BEND2: variants seen among roughly 807,000 people sequenced by gnomAD.
The protein encoded by BEND2 is BEN domain containing 2.
In BEND2, 19 loss-of-function variants were observed where a neutral mutation model predicts 43.8. The ratio of observed to expected loss-of-function variants is 0.43; its 90% CI spans 0.30 to 0.64. BEND2 has a LOEUF of 0.64. BEND2 is among the 30% of genes least tolerant of loss of function. The pLI, the probability that BEND2 is intolerant of heterozygous loss-of-function variation, is 0.11. For missense variants in BEND2, 544 were observed against 574.0 expected, an observed-to-expected ratio of 0.95 and a Z score of 0.53; for synonymous variants, 226 against 210.1, an observed-to-expected ratio of 1.08 and a Z score of -0.66.
At chrX:18,187,127 G>A (rs148328666) in intron 8 of BEND2, among the ~76,000 whole-genome samples, 3 of 110,398 alleles carry the variant, frequency 2.7e-5, no homozygotes, top group Non-Finnish European at 3.8e-5. Context: ...TAACAAAATC[G>A]CAGGAAAAAG....
chrX:18,180,051 C>A (rs1312277690), intron 9 of BEND2, among the ~76,000 whole-genome samples: 1 of 112,628 alleles, frequency 8.9e-6, no homozygotes, highest in Non-Finnish European at 1.9e-5. Context: ...GTGGTGTGTG[C>A]TTGTAATTCC....
chrX:18,219,526 T>G (rs778130386), intron 1 of BEND2, among the ~76,000 whole-genome samples: 9 of 112,727 alleles, frequency 8.0e-5, no homozygotes, highest in Middle Eastern at 4.2e-3. Context: ...TAAATCAAAC[T>G]CGGTTACCAT....
At chrX:18,217,864 T>G (rs1198878750) in intron 1 of BEND2, among the ~76,000 whole-genome samples, 1 of 110,347 alleles carries the variant, frequency 9.1e-6, no homozygotes, top group Non-Finnish European at 1.9e-5. Context: ...GCAGATCGCT[T>G]GAGCTCAGAA....
chrX:18,216,196 C>G (rs756511873), intron 2 of BEND2, among the ~76,000 whole-genome samples: 18 of 110,981 alleles, frequency 1.6e-4, no homozygotes, highest in African/African-American at 5.9e-4. Context: ...AGCTGTTATT[C>G]CTAGAAGTTC....
rs181190028 is a variant in BEND2, at chrX:18,191,916, G to A, written c.1181-808C>T. Among the ~76,000 whole-genome samples, 597 of 111,924 alleles carry A rather than the reference G, an allele frequency of 5.3e-3. 3 individuals are homozygous for A. Among genetic ancestry groups the A allele is most frequent in the African/African-American group, 0.018 (568 of 30,875 alleles). The stretch of plus-strand genomic sequence containing the variant: ...TGTTACTGTTGGGAAAAGTGGTAAT[G>A]GAAACACATATTTCTCTGTATTATT... On this transcript the variant is annotated intron_variant, in intron 7 of 13. Coordinates refer to ENST00000380033, the MANE Select transcript of BEND2 (RefSeq NM_153346.5).
chrX:18,174,680 A>G (rs1166053547), intron 11 of BEND2, among the ~76,000 whole-genome samples: 1 of 111,714 alleles, frequency 9.0e-6, no homozygotes, highest in Non-Finnish European at 1.9e-5. Flanking sequence ...GTAAAAACAA[A>G]TGGTTGTGCT....
In BEND2 at chrX:18,163,427, C is replaced by G. The variant is rs867913884; in HGVS notation, c.*1582G>C. ...AGAGAAAATGTTAAATTTACTTCCT[C>G]TGTCTAATTAATTACATCTTAAATG... On this transcript the variant is annotated 3_prime_UTR_variant, in exon 14 of 14. Transcript: ENST00000380033. 1.8e-5 allele frequency: 2 copies of G among 111,941 alleles called. No individual in the cohort carries two copies. Among genetic ancestry groups the G allele is most frequent in the African/African-American group, 6.5e-5 (2 of 30,864 alleles). The allele number at this position is 111,941 out of a possible 1,213,427, so 9.2% of individuals were successfully genotyped here.
At chrX:18,201,418 C>CAA (rs367821568) in intron 6 of BEND2, among the ~76,000 whole-genome samples, 2 of 52,788 alleles carry the variant, frequency 3.8e-5, no homozygotes, top group Non-Finnish European at 3.3e-5. Flanking sequence ...AAAAAAAAAA[C>CAA]AAAAAAAAAA....
chrX:18,216,060 T>G (rs970206749), intron 2 of BEND2, among the ~76,000 whole-genome samples: 42 of 111,345 alleles, frequency 3.8e-4, no homozygotes, highest in Non-Finnish European at 1.9e-4. Flanking sequence ...GTGATTAACT[T>G]TTGTATATTA....
intron 6 of BEND2, among the ~76,000 whole-genome samples, chrX:18,197,573 A>G (rs1180681076): frequency 8.9e-6 from 1 of 112,274 alleles, no homozygotes; most frequent in East Asian, 2.8e-4. Context: ...AGGCCGGCAG[A>G]TGAAGAGGAA....
chrX:18,196,947 A>G (rs1924973262), intron 6 of BEND2, among the ~76,000 whole-genome samples: 1 of 111,690 alleles, frequency 9.0e-6, no homozygotes, highest in Admixed American at 9.6e-5. Flanking sequence ...AAAGAAATAC[A>G]GATACACCCA....
At position 18,220,812 on chromosome X, in the gene BEND2, G is replaced by A; in HGVS notation, c.-62C>T. The stretch of plus-strand genomic sequence containing the variant: ...CTGAGGCCCGAGACCTGAGGCCTAC[G>A]TCTGCGCCGCGGCTCTGAGGTAACT... On this transcript the variant is annotated 5_prime_UTR_variant, in exon 1 of 14. In the 5' UTR this introduces an upstream ATG that the reference lacks. Transcript: ENST00000380033. 1 of 1,121,171 alleles carries A rather than the reference G, an allele frequency of 8.9e-7. No homozygotes were observed. The allele number at this position is 1,121,171 out of a possible 1,213,427, so 92.4% of individuals were successfully genotyped here.
chrX:18,166,242 A>G (rs1443255607), intron 13 of BEND2, among the ~76,000 whole-genome samples: 1 of 112,222 alleles, frequency 8.9e-6, no homozygotes, highest in Non-Finnish European at 1.9e-5. Context: ...CTGGAAGACA[A>G]ATACAGCGCT....
intron 13 of BEND2, among the ~76,000 whole-genome samples, chrX:18,166,393 C>T (rs1359494667): frequency 8.9e-6 from 1 of 111,800 alleles, no homozygotes; most frequent in East Asian, 2.8e-4. Flanking sequence ...CTACCCTCCG[C>T]AGCTAGTCAC....
chrX:18,219,521 C>A (rs900494220), intron 1 of BEND2, among the ~76,000 whole-genome samples: 6 of 113,084 alleles, frequency 5.3e-5, no homozygotes, highest in African/African-American at 1.9e-4. Flanking sequence ...GTCTCTAAAT[C>A]AAACTCGGTT....
chrX:18,171,961 A>G (rs887580610), intron 12 of BEND2, among the ~76,000 whole-genome samples: 1 of 111,354 alleles, frequency 9.0e-6, no homozygotes, highest in African/African-American at 3.3e-5. Flanking sequence ...CACTTTACAT[A>G]TTGTATCTTA....
intron 8 of BEND2, among the ~76,000 whole-genome samples, chrX:18,183,042 CAAAAAAAAAAAAAA>C (rs56812732): frequency 4.4e-4 from 18 of 40,789 alleles, no homozygotes; most frequent in African/African-American, 1.6e-3. Flanking sequence ...ACTCTGTCTC[CAAAAAAAAAAAAAA>C]AAAAAAAAAA....
chrX:18,165,314 G>C, intron 13 of BEND2, 91 bp from the exon 14 acceptor site: 1 of 714,879 alleles, frequency 1.4e-6, no homozygotes, highest in South Asian at 2.5e-5. Context: ...TACTGCGACT[G>C]TGAAAGGATC....
At chrX:18,219,369 C>A (rs1925779481) in intron 1 of BEND2, among the ~76,000 whole-genome samples, 1 of 112,930 alleles carries the variant, frequency 8.9e-6, no homozygotes, top group Admixed American at 9.3e-5. Flanking sequence ...CGGGCCCTCG[C>A]ACGCCTCGAC....
Sources: gnomAD v4.1 joint callset for allele counts (sites outside exome capture counted in the v4.1 genomes callset) on GRCh38, gnomAD v4.1.1 for gene constraint, MANE v1.5 for transcripts, NCBI Gene and HGNC (gene_info 2026-07-23, HGNC 2026-07-21) for gene names.